CYLD: variants seen among roughly 807,000 people sequenced by gnomAD.
CYLD encodes the protein ubiquitin carboxyl-terminal hydrolase CYLD.
In CYLD, 26 loss-of-function variants were observed where a neutral mutation model predicts 104.5. The observed-to-expected ratio is 0.25, with a 90% confidence interval of 0.18 to 0.35. CYLD has a LOEUF of 0.35. Ranked by LOEUF, CYLD falls within the 10% of genes least tolerant of loss-of-function variation. The probability of loss-of-function intolerance (pLI) is 1.00; values close to 1 mark genes in which losing one functional copy is unlikely to be tolerated. For synonymous variants in CYLD, 385 were observed against 399.9 expected, an observed-to-expected ratio of 0.96 and a Z score of 0.45; for missense variants, 703 against 1,136.1, an observed-to-expected ratio of 0.62 and a Z score of 5.48.
intron 2 of CYLD, among the ~76,000 whole-genome samples, chr16:50,748,081 T>C (rs1283377828): frequency 6.6e-6 from 1 of 152,232 alleles, no homozygotes; most frequent in Non-Finnish European, 1.5e-5. Context: ...TTTAGGAGTA[T>C]TTATTTTTTA....
rs1275467341 is a variant in CYLD at position 50,801,216 on chromosome 16, G to A, written c.*4708G>A. 4.3e-6 allele frequency: 1 copy of A among 233,346 alleles called. No individual in the cohort carries two copies. The highest frequency in any genetic ancestry group is 5.6e-5 in the Admixed American group (1 of 17,788). The allele number at this position is 233,346 out of a possible 1,614,324, so 14.5% of individuals were successfully genotyped here. ...GCAGTGGTAATGCATTAACCAGCAA[G>A]TGTGGCCAAGGATAATGAAAAAGTG... is the stretch of plus-strand genomic sequence containing the variant. On this transcript the variant is annotated 3_prime_UTR_variant, in exon 19 of 19. Coordinates refer to ENST00000427738, the MANE Select transcript of CYLD (RefSeq NM_001378743.1).
chr16:50,789,053 A>C (rs4785226), intron 14 of CYLD, among the ~76,000 whole-genome samples: 86,555 of 151,950 alleles, frequency 0.57, 25,709 homozygotes, highest in African/African-American at 0.73. Context: ...ATGAAGTGGG[A>C]AAAAATCTTG....
rs117104020 is a variant in CYLD at position 50,758,940 on chromosome 16, A to G, written c.913+4516A>G. Among the ~76,000 whole-genome samples, 183 of 152,320 alleles carry G rather than the reference A, an allele frequency of 1.2e-3. 2 individuals are homozygous for G. Among genetic ancestry groups the G allele is most frequent in the Non-Finnish European group, 7.2e-4 (49 of 68,024 alleles). ...AATGGGCAATGTGCTCATCATTTTC[A>G]TATTTAAGAAACTTTTGGCTGGGTG... On this transcript the variant is annotated intron_variant, in intron 5 of 18. Transcript: ENST00000427738.
chr16:50,779,238 G>C (rs1969975875), intron 8 of CYLD, among the ~76,000 whole-genome samples: 1 of 152,072 alleles, frequency 6.6e-6, no homozygotes, highest in Non-Finnish European at 1.5e-5. Flanking sequence ...ATTTAGCCAT[G>C]TTTCACAAGG....
At position 50,794,988 on chromosome 16, in the gene CYLD, A is replaced by G. The variant is rs62029890; in HGVS notation, c.2686+560A>G. On this transcript the variant is annotated intron_variant, in intron 18 of 18. Coordinates refer to ENST00000427738, the MANE Select transcript of CYLD (RefSeq NM_001378743.1). The surrounding 1 kb of genome is among the most constrained non-coding windows in gnomAD (Gnocchi z 4.1). Reference sequence around the variant, plus strand: ...AAAAGAATCCTAAAATTCTTATTTCAGCCCTGAGGGATCTTATTTCCAGCT... The same window carrying G: ...AAAAGAATCCTAAAATTCTTATTTCGGCCCTGAGGGATCTTATTTCCAGCT... 5.8e-4 allele frequency: 96 copies of G among 165,714 alleles called. No homozygotes were observed. Among genetic ancestry groups the G allele is most frequent in the South Asian group, 5.7e-3 (37 of 6,456 alleles). 10.3% of individuals were successfully genotyped at this position (165,714 alleles called of 1,614,324 possible). A position where few individuals can be genotyped will look rare whatever the true frequency, so the allele number is the denominator to read the frequency against.
At position 50,776,182 on chromosome 16, in the gene CYLD, G is replaced by T. The variant is rs1265748647; in HGVS notation, c.926G>T (p.Ser309Ile). The T allele has an allele frequency of 6.2e-7, 1 of 1,608,770 alleles. No homozygotes were observed. The highest frequency in any genetic ancestry group is 8.5e-7 in the Non-Finnish European group (1 of 1,175,500). The stretch of plus-strand genomic sequence containing the variant: ...AAAAACATGCTTACTGTTTCAGAGA[G>T]TGTGACGCAGGAAAGGAGGCCTCCC... ...INDIIPALSE[S>I]VTQERRPPKL... The change falls in exon 7 of 19, where the codon AGT becomes ATT. Residue 309 changes from serine (S) to isoleucine (I), a missense_variant. By Grantham distance (142) the Ser-to-Ile change is moderately radical (BLOSUM62 -2). This residue lies in a region of CYLD where 123 missense variants were observed against 213.3 expected (regional missense o/e 0.58). Transcript: ENST00000427738.
rs1414639609 is a variant in CYLD at position 50,795,769 on chromosome 16, G to C, written c.2687-555G>C. The C allele has an allele frequency of 5.2e-6, 3 of 575,228 alleles. No individual in the cohort carries two copies. In the African/African-American group the frequency reaches 5.6e-5, roughly 11 times the overall value. 35.6% of individuals were successfully genotyped at this position (575,228 alleles called of 1,614,324 possible). The stretch of plus-strand genomic sequence containing the variant: ...CTAAACAGCGTAACACAACAGCATA[G>C]GTTTGGAAAAGCCACTGAGGTAACC... On this transcript the variant is annotated intron_variant, in intron 18 of 18. Coordinates refer to ENST00000427738, the MANE Select transcript of CYLD (RefSeq NM_001378743.1).
chr16:50,769,384 CA>C (rs1341088911), intron 5 of CYLD, among the ~76,000 whole-genome samples: 1 of 152,104 alleles, frequency 6.6e-6, no homozygotes, highest in Non-Finnish European at 1.5e-5. Flanking sequence ...ATTTTAGTAA[CA>C]TCTAATTGTG....
rs1028605467 is a variant in CYLD at position 50,762,786 on chromosome 16, T to G, written c.913+8362T>G. On this transcript the variant is annotated intron_variant, in intron 5 of 18. Transcript: ENST00000427738. ...TTTTATAATTTTCTCCATGAAGAGCTTACTTGCATTTTGATGCATTATAAA... is the reference window on the plus strand; with the variant it reads ...TTTTATAATTTTCTCCATGAAGAGCGTACTTGCATTTTGATGCATTATAAA... 3.3e-5 allele frequency among the ~76,000 whole-genome samples: 5 copies of G among 152,222 alleles called. No individual in the cohort carries two copies. In the East Asian group the frequency reaches 9.6e-4, roughly 29 times the overall value.
chr16:50,767,166 C>T (rs559576543), intron 5 of CYLD, among the ~76,000 whole-genome samples: 2 of 152,306 alleles, frequency 1.3e-5, no homozygotes, highest in African/African-American at 2.4e-5. Flanking sequence ...AGCACCCATC[C>T]ACACTGAGGC....
intron 1 of CYLD, 168 bp from the exon 2 acceptor site, chr16:50,742,594 C>T: frequency 4.9e-6 from 1 of 202,598 alleles, no homozygotes; most frequent in Non-Finnish European, 9.8e-6. Context: ...AGGCCGCTGG[C>T]GGGCCCCGAC....
In CYLD at chr16:50,779,663, A is replaced by G. The variant is rs779771079; in HGVS notation, c.1139-2A>G. On this transcript the variant is annotated splice_acceptor_variant, in intron 8 of 18. Coordinates refer to ENST00000427738, the MANE Select transcript of CYLD (RefSeq NM_001378743.1). LOFTEE classifies it high-confidence loss of function. ...TTTCTGTAATTAGGAATAATTTTTT[A>G]GTTGCAGAAGACCCTGCAAAATCTC... 5.0e-6 allele frequency: 8 copies of G among 1,613,338 alleles called. No homozygotes were observed. The highest frequency in any genetic ancestry group is 1.1e-5 in the South Asian group (1 of 91,000).
intron 5 of CYLD, among the ~76,000 whole-genome samples, chr16:50,758,274 C>T (rs574768886): frequency 6.6e-6 from 1 of 152,040 alleles, no homozygotes; most frequent in Admixed American, 6.5e-5. Context: ...AGCCCAAGGC[C>T]GCAGCCAGCG....
chr16:50,792,575 A>T, intron 15 of CYLD, 22 bp from the exon 16 acceptor site: 1 of 1,541,972 alleles, frequency 6.5e-7, no homozygotes, highest in Admixed American at 1.7e-5. Context: ...TTTGATTCTA[A>T]AAATATCTGT....
intron 8 of CYLD, among the ~76,000 whole-genome samples, chr16:50,779,130 T>A (rs541157079): frequency 2.6e-5 from 4 of 152,322 alleles, no homozygotes; most frequent in African/African-American, 9.6e-5. Flanking sequence ...GGTTATTCTG[T>A]TCTTTTAACT....
At position 50,782,814 on chromosome 16, in the gene CYLD, G is replaced by C. The variant is rs1597060104; in HGVS notation, c.1826+348G>C. Among the ~76,000 whole-genome samples, 8 of 151,772 alleles carry C rather than the reference G, an allele frequency of 5.3e-5. No individual in the cohort carries two copies. The South Asian group carries it at 1.7e-3, about 31-fold the overall frequency. ...GTTATGTGCTGTATTTCTTTTAGTA[G>C]GTAAAGGCAGTCATAAAACTACTGT... On this transcript the variant is annotated intron_variant, in intron 11 of 18. Transcript: ENST00000427738.
At chr16:50,757,315 G>A (rs1967364834) in intron 5 of CYLD, among the ~76,000 whole-genome samples, 1 of 152,172 alleles carries the variant, frequency 6.6e-6, no homozygotes, top group Admixed American at 6.5e-5. Context: ...CATTAATTTA[G>A]TTGGAGGTAT....
At chr16:50,768,420 A>C (rs963550625) in intron 5 of CYLD, among the ~76,000 whole-genome samples, 4 of 152,168 alleles carry the variant, frequency 2.6e-5, no homozygotes, top group Admixed American at 2.6e-4. Context: ...TTCATCCGTG[A>C]AACAAAATTA....
intron 18 of CYLD, chr16:50,795,735 A>C: frequency 3.2e-6 from 2 of 619,562 alleles, no homozygotes; most frequent in East Asian, 5.6e-5. Flanking sequence ...AACCCAGTTA[A>C]CATTTGCACT....
Sources: gnomAD v4.1 joint callset for allele counts (sites outside exome capture counted in the v4.1 genomes callset) on GRCh38, gnomAD v4.1.1 for gene constraint, gnomAD v4.1.1 regional missense constraint, Gnocchi (gnomAD v3.1) non-coding constraint, MANE v1.5 for transcripts, NCBI Gene and HGNC (gene_info 2026-07-23, HGNC 2026-07-21) for gene names.